Variants in TUB observed in about 807,000 individuals in gnomAD.
TUB encodes the protein tubby protein homolog.
Under a neutral mutation model 59.7 loss-of-function variants are expected in TUB, and 33 were observed. The observed-to-expected ratio is 0.55, with a 90% CI of 0.42 to 0.74. The LOEUF (loss-of-function observed/expected upper bound fraction) is 0.74, where lower values mean the gene tolerates loss of function less well. Ranked by LOEUF, TUB falls within the 30% of genes least tolerant of loss-of-function variation. The pLI, the probability that TUB is intolerant of heterozygous loss-of-function variation, is 0.00. For missense variants in TUB, 659 were observed against 672.0 expected, an observed-to-expected ratio of 0.98 and a Z score of 0.21; for synonymous variants, 293 against 256.4, an observed-to-expected ratio of 1.14 and a Z score of -1.36.
At chr11:8,029,249 G>A (rs899218751) in intron 1 of TUB, among the ~76,000 whole-genome samples, 1 of 152,122 alleles carries the variant, frequency 6.6e-6, no homozygotes, top group South Asian at 2.1e-4. Context: ...TTGTTGAGTT[G>A]AAGAAGTAGC....
At chr11:8,047,049 A>G (rs764444949) in intron 2 of TUB, among the ~76,000 whole-genome samples, 1 of 152,222 alleles carries the variant, frequency 6.6e-6, no homozygotes, top group Admixed American at 6.5e-5. Flanking sequence ...CTAAAGCTTT[A>G]GCACAGAGCA....
At chr11:8,054,411 A>G (rs549756402) in intron 2 of TUB, among the ~76,000 whole-genome samples, 1 of 152,228 alleles carries the variant, frequency 6.6e-6, no homozygotes, top group Non-Finnish European at 1.5e-5. Flanking sequence ...GACTTTCCAC[A>G]TGCCCCTCCT....
chr11:8,100,818 C>T lies in TUB; in HGVS notation c.1216-8C>T, dbSNP rs763550126. The T allele has an allele frequency of 3.7e-6, 6 of 1,613,284 alleles. No individual in the cohort carries two copies. The highest frequency in any genetic ancestry group is 2.2e-5 in the South Asian group (2 of 91,008). On this transcript the variant is annotated splice_region_variant and splice_polypyrimidine_tract_variant and intron_variant, in intron 10 of 11. Coordinates refer to ENST00000299506, the MANE Select transcript of TUB (RefSeq NM_177972.3). ...CTGGGCCTGGCTCAGGTGAGGCTGC[C>T]CTCCCAGGAGCATGAGACACTGCTA...
intron 3 of TUB, among the ~76,000 whole-genome samples, chr11:8,091,075 C>T (rs1366638836): frequency 6.6e-6 from 1 of 152,188 alleles, no homozygotes; most frequent in Non-Finnish European, 1.5e-5. Context: ...TGGTGCTCCC[C>T]TCCTTCTGTG....
chr11:8,049,356 C>A (rs1371262301), intron 2 of TUB, among the ~76,000 whole-genome samples: 1 of 152,036 alleles, frequency 6.6e-6, no homozygotes, highest in East Asian at 1.9e-4. Flanking sequence ...CCATCCTAGA[C>A]CAACTAAATC....
chr11:8,026,657 T>A (rs1448650282), intron 1 of TUB, among the ~76,000 whole-genome samples: 1 of 152,210 alleles, frequency 6.6e-6, no homozygotes, highest in Non-Finnish European at 1.5e-5. Flanking sequence ...AAAATACTTA[T>A]AAGTATTGAA....
intron 1 of TUB, among the ~76,000 whole-genome samples, chr11:8,028,975 G>A (rs994835212): frequency 3.3e-5 from 5 of 152,300 alleles, no homozygotes; most frequent in Middle Eastern, 3.4e-3. Flanking sequence ...TCACACCACT[G>A]CATGCCAGCC....
intron 2 of TUB, among the ~76,000 whole-genome samples, chr11:8,050,557 G>A (rs1261797518): frequency 6.6e-6 from 1 of 152,070 alleles, no homozygotes; most frequent in East Asian, 1.9e-4. Context: ...ACATTTTCCT[G>A]GTGAATAATG....
chr11:8,095,288 A>T (rs1943936949), intron 4 of TUB, among the ~76,000 whole-genome samples: 1 of 152,176 alleles, frequency 6.6e-6, no homozygotes, highest in Non-Finnish European at 1.5e-5. Flanking sequence ...AATTTGGGGG[A>T]AGAGCAGAAG....
In TUB at chr11:8,058,910, G is replaced by T. The variant is rs114311738; in HGVS notation, c.203+19218G>T. Among the ~76,000 whole-genome samples the T allele has an allele frequency of 5.1e-3, 772 of 152,330 alleles. 8 individuals carry two copies. The highest frequency in any genetic ancestry group is 0.018 in the African/African-American group (731 of 41,570). On this transcript the variant is annotated intron_variant, in intron 2 of 12. Coordinates refer to the TUB transcript ENST00000305253. ...TTTCATTAGTATTTGTAAATTATGT[G>T]CTATACATCCTTTGTGTCAGTAAAA... is the stretch of plus-strand genomic sequence containing the variant.
Position 8,105,530 on chromosome 11 carries a change from T to G in TUB, c.*3911T>G, listed in dbSNP as rs1357388606. 3.9e-5 allele frequency: 6 copies of G among 152,336 alleles called. No homozygotes were observed. Among genetic ancestry groups the G allele is most frequent in the African/African-American group, 1.2e-4 (5 of 41,560 alleles). 9.4% of individuals were successfully genotyped at this position (152,336 alleles called of 1,614,324 possible). On this transcript the variant is annotated 3_prime_UTR_variant, in exon 12 of 12. Coordinates refer to ENST00000299506, the MANE Select transcript of TUB (RefSeq NM_177972.3). Reference sequence around the variant, plus strand: ...TTTCCAACCAAGTGGAAAGGCAAGTTGGTCTTATAGAAAGCACTACTGCAC... The same window carrying G: ...TTTCCAACCAAGTGGAAAGGCAAGTGGGTCTTATAGAAAGCACTACTGCAC...
rs1944062154 is a variant in TUB, at chr11:8,097,722, C to T, written c.894C>T (p.Leu298=). Residue 298 remains leucine (L), a synonymous_variant, in exon 8 of 12, where the codon CTC becomes CTT. Coordinates refer to ENST00000299506, the MANE Select transcript of TUB (RefSeq NM_177972.3). The part of the protein sequence containing the change: ...LDREDGKKVF[L]LAGRKRKKSK... Reference sequence around the variant, plus strand: ...TCATTCCACTCCCCAAGGTGTTCCTCCTGGCGGGAAGGAAGAGAAAGAAGA... The same window carrying T: ...TCATTCCACTCCCCAAGGTGTTCCTTCTGGCGGGAAGGAAGAGAAAGAAGA... 5 of 1,613,430 alleles carry T rather than the reference C, an allele frequency of 3.1e-6. No homozygotes were observed. Among genetic ancestry groups the T allele is most frequent in the Non-Finnish European group, 4.2e-6 (5 of 1,179,526 alleles).
Position 8,104,384 on chromosome 11 carries a change from T to C in TUB, c.*2765T>C, listed in dbSNP as rs1380243212. On this transcript the variant is annotated 3_prime_UTR_variant, in exon 12 of 12. Coordinates refer to ENST00000299506, the MANE Select transcript of TUB (RefSeq NM_177972.3). ...TCCCCAACTCTTCTCCAAGTCTAGC[T>C]TTCCTTTCCTTCTGGCTCCAAGGTG... 6.6e-6 allele frequency: 1 copy of C among 152,360 alleles called. No individual in the cohort carries two copies. The highest frequency in any genetic ancestry group is 6.5e-5 in the Admixed American group (1 of 15,292). The allele number at this position is 152,360 out of a possible 1,614,324, so 9.4% of individuals were successfully genotyped here. A position where few individuals can be genotyped will look rare whatever the true frequency, so the allele number is the denominator to read the frequency against.
chr11:8,026,473 T>A (rs1429796916), intron 1 of TUB, among the ~76,000 whole-genome samples: 2 of 148,508 alleles, frequency 1.3e-5, no homozygotes, highest in Non-Finnish European at 3.0e-5. Flanking sequence ...TGAGATTCAT[T>A]AAAAAAAAAA....
At chr11:8,081,856 C>G (rs1274384791) in intron 1 of TUB, among the ~76,000 whole-genome samples, 2 of 152,204 alleles carry the variant, frequency 1.3e-5, no homozygotes, top group Non-Finnish European at 2.9e-5. Context: ...CCTCCTAGGC[C>G]CAGAACCCCA....
chr11:8,031,943 G>A (rs142546907), intron 1 of TUB, among the ~76,000 whole-genome samples: 10 of 152,328 alleles, frequency 6.6e-5, no homozygotes, highest in Non-Finnish European at 8.8e-5. Context: ...GTCTGGCGGC[G>A]TGTCCTTGGG....
intron 2 of TUB, chr11:8,067,702 A>G (rs1033648379): frequency 5.3e-5 from 8 of 152,178 alleles, no homozygotes; most frequent in African/African-American, 1.9e-4. Context: ...ACAGCCACAC[A>G]CTCAAGTCTT....
In TUB at chr11:8,097,364, G is replaced by A. The variant is rs1944044055; in HGVS notation, c.824G>A (p.Gly275Glu). ...IKCRITRDKK[G>E]MDRGMYPTYF... is the part of the protein sequence containing the mutation. ...TGCCGCATCACTCGGGACAAGAAAG[G>A]GATGGACCGGGGCATGTACCCCACC... The change falls in exon 7 of 12, where the codon GGG becomes GAG. Residue 275 changes from glycine (G) to glutamate (E), a missense_variant. Physicochemically the swap from Gly to Glu is moderately conservative, Grantham distance 98. This residue lies in a region of TUB where 112 missense variants were observed against 156.9 expected (regional missense o/e 0.71). Coordinates refer to ENST00000299506, the MANE Select transcript of TUB (RefSeq NM_177972.3). The A allele has an allele frequency of 6.2e-7, 1 of 1,614,174 alleles. No homozygotes were observed. The highest frequency in any genetic ancestry group is 8.5e-7 in the Non-Finnish European group (1 of 1,180,036).
chr11:8,093,148 GACA>G (rs1943836071), intron 3 of TUB, among the ~76,000 whole-genome samples: 1 of 152,048 alleles, frequency 6.6e-6, no homozygotes, highest in South Asian at 2.1e-4. Context: ...GTGAGTAGAT[GACA>G]ACACCTGCTC....
Sources: allele counts gnomAD v4.1 joint callset (sites outside exome capture counted in the v4.1 genomes callset), GRCh38; gene constraint gnomAD v4.1.1; regional missense constraint gnomAD v4.1.1; transcripts MANE v1.5; gene names NCBI Gene and HGNC (gene_info 2026-07-23, HGNC 2026-07-21).